Variants in RPS6KA3 observed in about 807,000 individuals in gnomAD.
RPS6KA3 encodes the protein ribosomal protein S6 kinase A3.
A neutral mutation model predicts 67.2 loss-of-function variants in RPS6KA3; 4 were observed. The observed-to-expected ratio is 0.06, with a 90% confidence interval of 0.03 to 0.14. RPS6KA3 has a LOEUF of 0.14. Among genes scored for constraint, RPS6KA3 ranks in the 10% least tolerant of loss-of-function variants. The pLI is 1.00. For synonymous variants in RPS6KA3, 182 were observed against 183.7 expected, an observed-to-expected ratio of 0.99 and a Z score of 0.07; for missense variants, 204 against 559.0, an observed-to-expected ratio of 0.36 and a Z score of 6.40.
At chrX:20,162,537 AT>A (rs941504894) in intron 19 of RPS6KA3, among the ~76,000 whole-genome samples, 7 of 108,135 alleles carry the variant, frequency 6.5e-5, no homozygotes, top group Non-Finnish European at 1.3e-4. Flanking sequence ...CAACATCTGA[AT>A]TAAAAAAAAA....
intron 1 of RPS6KA3, chrX:20,235,441 A>G (rs941918462): frequency 2.7e-5 from 3 of 111,158 alleles, no homozygotes; most frequent in African/African-American, 9.8e-5. Context: ...AAAAGGCAAC[A>G]TATAACAAAG....
At chrX:20,214,034 T>TCTATTTTTTC (rs2068784302) in intron 2 of RPS6KA3, among the ~76,000 whole-genome samples, 1 of 112,055 alleles carries the variant, frequency 8.9e-6, no homozygotes, top group African/African-American at 3.2e-5. Flanking sequence ...CATGCACTTT[T>TCTATTTTTTC]CTATTTTTTC....
intron 2 of RPS6KA3, among the ~76,000 whole-genome samples, chrX:20,219,824 G>A (rs1344191546): frequency 8.9e-6 from 1 of 111,915 alleles, no homozygotes; most frequent in African/African-American, 3.2e-5. Context: ...AACAACCGAA[G>A]GACAACAGCT....
In RPS6KA3 at chrX:20,226,418, G is replaced by A. The variant is rs775301011; in HGVS notation, c.126+8340C>T. Among the ~76,000 whole-genome samples the A allele has an allele frequency of 1.7e-4, 19 of 111,313 alleles. No individual in the cohort carries two copies. In the South Asian group the frequency reaches 7.2e-3, roughly 42 times the overall value. On this transcript the variant is annotated intron_variant, in intron 2 of 21. Transcript: ENST00000379565. ...CGGTATTTAATGTTCAGGAGAAATCGGGCTCTCCTTTATGACTATCCTTTT... is the reference window on the plus strand; with the variant it reads ...CGGTATTTAATGTTCAGGAGAAATCAGGCTCTCCTTTATGACTATCCTTTT...
intron 2 of RPS6KA3, among the ~76,000 whole-genome samples, chrX:20,230,260 TCA>T (rs1318826662): frequency 8.9e-6 from 1 of 112,197 alleles, no homozygotes; most frequent in Non-Finnish European, 1.9e-5. Context: ...CTCATTCAAT[TCA>T]CAGTTTAGTA....
chrX:20,234,864 G>T, intron 1 of RPS6KA3, 50 bp from the exon 2 acceptor site: 1 of 922,360 alleles, frequency 1.1e-6, no homozygotes, highest in Non-Finnish European at 1.6e-6. Flanking sequence ...CCTCACATCA[G>T]TTAAAGTTAA....
chrX:20,206,734 T>G (rs2068582060), intron 3 of RPS6KA3, among the ~76,000 whole-genome samples: 2 of 111,982 alleles, frequency 1.8e-5, no homozygotes, highest in African/African-American at 6.5e-5. Flanking sequence ...GAACATAACC[T>G]AGGAAGGATG....
intron 2 of RPS6KA3, among the ~76,000 whole-genome samples, chrX:20,219,724 G>A (rs1429690628): frequency 3.6e-5 from 4 of 111,545 alleles, no homozygotes; most frequent in Non-Finnish European, 5.7e-5. Context: ...CCTCTAATAC[G>A]TTATAGAAGT....
chrX:20,237,491 C>T (rs2069443619), intron 1 of RPS6KA3, among the ~76,000 whole-genome samples: 1 of 111,734 alleles, frequency 8.9e-6, no homozygotes, highest in Admixed American at 9.5e-5. Context: ...CAGCACTAAA[C>T]TTGGAATTCG....
At chrX:20,235,730 C>A (rs2069392259) in intron 1 of RPS6KA3, among the ~76,000 whole-genome samples, 1 of 111,347 alleles carries the variant, frequency 9.0e-6, no homozygotes, top group African/African-American at 3.3e-5. Context: ...TGAATCAGCA[C>A]AAACTTTCAG....
intron 4 of RPS6KA3, chrX:20,203,256 T>G (rs1476157388): frequency 4.0e-5 from 4 of 99,403 alleles, no homozygotes; most frequent in Non-Finnish European, 5.9e-5. Flanking sequence ...ATATTTCTTC[T>G]TAACTACTTT....
chrX:20,232,637 A>G lies in RPS6KA3; in HGVS notation c.126+2121T>C, dbSNP rs891078399. Among the ~76,000 whole-genome samples the G allele has an allele frequency of 3.7e-4, 41 of 112,194 alleles. 1 individual carries two copies. Among genetic ancestry groups the G allele is most frequent in the Non-Finnish European group, 4.9e-4 (26 of 53,270 alleles). On this transcript the variant is annotated intron_variant, in intron 2 of 21. Coordinates refer to ENST00000379565, the MANE Select transcript of RPS6KA3 (RefSeq NM_004586.3). Reference sequence around the variant, plus strand: ...AAAACTTCCGTACATACTACAATGAAAGGCACATAATTAATGTTTAAAAAA... The same window carrying G: ...AAAACTTCCGTACATACTACAATGAGAGGCACATAATTAATGTTTAAAAAA...
intron 2 of RPS6KA3, among the ~76,000 whole-genome samples, chrX:20,222,176 C>T (rs893235651): frequency 1.2e-4 from 13 of 112,191 alleles, no homozygotes; most frequent in African/African-American, 4.2e-4. Context: ...ACAGAATGAA[C>T]AGCAAATGCC....
At chrX:20,186,857 G>A (rs1030604372) in intron 9 of RPS6KA3, among the ~76,000 whole-genome samples, 6 of 110,903 alleles carry the variant, frequency 5.4e-5, no homozygotes, top group Admixed American at 2.9e-4. Flanking sequence ...TTTTTGAGAC[G>A]GAGTCTTACT....
At chrX:20,167,383 C>G (rs1247228698) in intron 17 of RPS6KA3, among the ~76,000 whole-genome samples, 3 of 111,605 alleles carry the variant, frequency 2.7e-5, no homozygotes, top group African/African-American at 9.8e-5. Context: ...CTTGGAAGCA[C>G]AAGAGTTTAA....
At chrX:20,174,170 G>A (rs906569693) in intron 14 of RPS6KA3, among the ~76,000 whole-genome samples, 2 of 110,865 alleles carry the variant, frequency 1.8e-5, no homozygotes, top group African/African-American at 6.6e-5. Context: ...CCTTCACAGA[G>A]AAAGTCTGCC....
At chrX:20,226,944 T>C (rs1197871430) in intron 2 of RPS6KA3, among the ~76,000 whole-genome samples, 1 of 112,405 alleles carries the variant, frequency 8.9e-6, no homozygotes, top group Non-Finnish European at 1.9e-5. Flanking sequence ...CACTGCTCAC[T>C]GCCGAGGTAA....
chrX:20,199,944 G>A, intron 4 of RPS6KA3, among the ~76,000 whole-genome samples: 1 of 112,116 alleles, frequency 8.9e-6, no homozygotes, highest in Non-Finnish European at 1.9e-5. Flanking sequence ...ACAGGCGGTA[G>A]AATAAAGCCA....
intron 7 of RPS6KA3, among the ~76,000 whole-genome samples, chrX:20,192,031 G>A (rs1292538480): frequency 9.0e-6 from 1 of 111,392 alleles, no homozygotes; most frequent in Non-Finnish European, 1.9e-5. Flanking sequence ...CTCCCGAAGT[G>A]CTGGGATTAC....
Sources: allele counts gnomAD v4.1 joint callset (sites outside exome capture counted in the v4.1 genomes callset), GRCh38; gene constraint gnomAD v4.1.1; transcripts MANE v1.5; gene names NCBI Gene and HGNC (gene_info 2026-07-23, HGNC 2026-07-21).